KIZ: variants seen among roughly 807,000 people sequenced by gnomAD.
KIZ encodes centrosomal protein kizuna.
A neutral mutation model predicts 79.6 loss-of-function variants in KIZ; 68 were observed. The ratio of observed to expected loss-of-function variants is 0.85; its 90% CI spans 0.70 to 1.05. The LOEUF (loss-of-function observed/expected upper bound fraction) is 1.05. Among genes scored for constraint, KIZ ranks in the 50% least tolerant of loss-of-function variants. The pLI is 0.00. For missense variants in KIZ, 797 were observed against 800.4 expected, an observed-to-expected ratio of 1.00 and a Z score of 0.05; for synonymous variants, 280 against 281.8, an observed-to-expected ratio of 0.99 and a Z score of 0.06.
chr20:21,226,618 A>G (rs1487846446), intron 9 of KIZ, among the ~76,000 whole-genome samples: 2 of 152,160 alleles, frequency 1.3e-5, no homozygotes, highest in African/African-American at 2.4e-5. Flanking sequence ...CTCTCCCGCA[A>G]CTTTGACGTC....
chr20:21,246,228 A>C (rs573308420), intron 12 of KIZ: 1 of 481,236 alleles, frequency 2.1e-6, no homozygotes, highest in East Asian at 3.9e-5. Context: ...AGAGTTGGGC[A>C]CAACAGAAGG....
chr20:21,203,466 C>T (rs898899634), intron 6 of KIZ, among the ~76,000 whole-genome samples: 1 of 152,090 alleles, frequency 6.6e-6, no homozygotes, highest in Non-Finnish European at 1.5e-5. Context: ...ATACTAAGAC[C>T]GATCTGTGGG....
intron 1 of KIZ, among the ~76,000 whole-genome samples, chr20:21,126,942 C>G (rs1015186940): frequency 2.6e-5 from 4 of 152,158 alleles, no homozygotes; most frequent in Admixed American, 6.5e-5. Flanking sequence ...AGTTGTAACT[C>G]TCATTAGTTG....
At chr20:21,182,762 A>C (rs2034710009) in intron 6 of KIZ, among the ~76,000 whole-genome samples, 1 of 146,748 alleles carries the variant, frequency 6.8e-6, no homozygotes, top group Non-Finnish European at 1.5e-5. Context: ...GTGCCACTGC[A>C]CTCCAGCCTG....
rs569005713 is a variant in KIZ at position 21,242,488 on chromosome 20, G to A, written c.1881-1757G>A. On this transcript the variant is annotated intron_variant, in intron 11 of 12. Coordinates refer to ENST00000619189, the MANE Select transcript of KIZ (RefSeq NM_018474.6). ...GCAGAGAGAGAAGCAAGAGCTGATA[G>A]TTTTGTTGACCAGTGTACTGGCAGT... is the stretch of plus-strand genomic sequence containing the variant. Among the ~76,000 whole-genome samples the A allele has an allele frequency of 8.0e-5, 12 of 150,910 alleles. No individual in the cohort carries two copies. In the South Asian group the frequency reaches 2.3e-3, roughly 29 times the overall value.
intron 6 of KIZ, among the ~76,000 whole-genome samples, chr20:21,181,607 C>T (rs938807362): frequency 5.3e-5 from 8 of 151,902 alleles, no homozygotes; most frequent in South Asian, 4.1e-4. Context: ...CACAGGCATG[C>T]GCCACCATGC....
chr20:21,199,109 G>T (rs2035481117), intron 6 of KIZ, among the ~76,000 whole-genome samples: 1 of 152,200 alleles, frequency 6.6e-6, no homozygotes, highest in Admixed American at 6.5e-5. Context: ...TAAACTAAAT[G>T]ATTCATTTTG....
intron 6 of KIZ, among the ~76,000 whole-genome samples, chr20:21,190,573 C>T (rs2035067622): frequency 6.6e-6 from 1 of 152,214 alleles, no homozygotes; most frequent in Admixed American, 6.5e-5. Flanking sequence ...ATTAGCCTCT[C>T]AGGTTCCAAC....
chr20:21,246,542 A>G lies in KIZ; in HGVS notation c.1988A>G (p.His663Arg), dbSNP rs771561721. Residue 663 changes from histidine (H) to arginine (R), a missense_variant, in exon 13 of 13, where the codon CAT becomes CGT. His to Arg is a conservative substitution (Grantham distance 29). Coordinates refer to ENST00000619189, the MANE Select transcript of KIZ (RefSeq NM_018474.6). Reference protein sequence around the residue: ...EIEAALRPRNHNTDDSDDFYD With the variant: ...EIEAALRPRNRNTDDSDDFYD Reference sequence around the variant, plus strand: ...GAGGCTGCTTTACGCCCCAGAAACCATAACACCGATGATTCTGATGATTTT... The same window carrying G: ...GAGGCTGCTTTACGCCCCAGAAACCGTAACACCGATGATTCTGATGATTTT... The G allele has an allele frequency of 1.4e-5, 23 of 1,610,514 alleles. No homozygotes were observed. The highest frequency in any genetic ancestry group is 3.3e-5 in the Admixed American group (2 of 59,882).
intron 9 of KIZ, chr20:21,226,351 G>C (rs2036653642): frequency 6.6e-6 from 1 of 152,346 alleles, no homozygotes; most frequent in Non-Finnish European, 1.5e-5. Context: ...ACCCTGTCCA[G>C]TCTGTTTGCA....
intron 3 of KIZ, among the ~76,000 whole-genome samples, chr20:21,141,821 ACACTCTCTCTCT>A (rs1163531983): frequency 9.9e-5 from 11 of 111,092 alleles, no homozygotes; most frequent in African/African-American, 3.7e-4. Flanking sequence ...ACACACACAC[ACACTCTCTCTCT>A]CTCTCTCTCT....
intron 10 of KIZ, among the ~76,000 whole-genome samples, chr20:21,231,931 C>T (rs1163924939): frequency 1.3e-5 from 2 of 152,134 alleles, no homozygotes; most frequent in Non-Finnish European, 2.9e-5. Flanking sequence ...ATGTGGACAC[C>T]CTCTTTGGGC....
chr20:21,149,866 G>T (rs1367930580), intron 4 of KIZ, among the ~76,000 whole-genome samples: 3 of 152,214 alleles, frequency 2.0e-5, no homozygotes, highest in Non-Finnish European at 4.4e-5. Context: ...AGTGACTTAG[G>T]TTGGAATCCC....
At chr20:21,135,399 C>G (rs1568906620) in intron 2 of KIZ, among the ~76,000 whole-genome samples, 1 of 152,170 alleles carries the variant, frequency 6.6e-6, no homozygotes, top group Non-Finnish European at 1.5e-5. Context: ...GCAATAAGAC[C>G]AGCCTTCAGT....
At position 21,162,183 on chromosome 20, in the gene KIZ, G is replaced by A; in HGVS notation, c.718G>A (p.Ala240Thr). 1.2e-6 allele frequency: 2 copies of A among 1,612,050 alleles called. No individual in the cohort carries two copies. Among genetic ancestry groups the A allele is most frequent in the Admixed American group, 1.7e-5 (1 of 59,962 alleles). ...GATTGGTGAGAAAATGCCAGTCACA[G>A]CCAGTGTATTGTCTGAGGAGGAACA... ...LQIGEKMPVT[A>T]SVLSEEEQTH... Residue 240 changes from alanine (A) to threonine (T), a missense_variant, in exon 5 of 13, where the codon GCC (alanine) becomes ACC (threonine). Physicochemically the swap from Ala to Thr is moderately conservative, Grantham distance 58 (BLOSUM62 0). Coordinates refer to ENST00000619189, the MANE Select transcript of KIZ (RefSeq NM_018474.6).
chr20:21,241,819 C>T (rs1477099789), intron 11 of KIZ, among the ~76,000 whole-genome samples: 1 of 152,210 alleles, frequency 6.6e-6, no homozygotes, highest in Non-Finnish European at 1.5e-5. Context: ...TAGATGTTCT[C>T]ATGTGTCTGT....
chr20:21,184,303 C>G (rs2034783915), intron 6 of KIZ, among the ~76,000 whole-genome samples: 1 of 152,068 alleles, frequency 6.6e-6, no homozygotes. Flanking sequence ...GTGCCCACCA[C>G]CACACCCAGC....
At chr20:21,147,665 C>A (rs2032916107) in intron 4 of KIZ, among the ~76,000 whole-genome samples, 1 of 152,166 alleles carries the variant, frequency 6.6e-6, no homozygotes, top group South Asian at 2.1e-4. Flanking sequence ...ATGAAGGCCA[C>A]AATTTTCTTA....
At chr20:21,133,741 A>G (rs543715128) in intron 2 of KIZ, among the ~76,000 whole-genome samples, 1 of 152,354 alleles carries the variant, frequency 6.6e-6, no homozygotes, top group South Asian at 2.1e-4. Context: ...TTATTTGACA[A>G]GGTGGTCACC....
Sources: gnomAD v4.1 joint callset for allele counts (sites outside exome capture counted in the v4.1 genomes callset) on GRCh38, gnomAD v4.1.1 for gene constraint, MANE v1.5 for transcripts, NCBI Gene and HGNC (gene_info 2026-07-23, HGNC 2026-07-21) for gene names.